Variants in AFF3 observed in about 807,000 individuals in gnomAD.
AFF3 encodes the protein ALF transcription elongation factor 3.
AFF3 carries 32 observed loss-of-function variants against 129.7 expected under a neutral mutation model. That is an observed-to-expected ratio of 0.25 (90% CI 0.19 to 0.33). The LOEUF (loss-of-function observed/expected upper bound fraction) is 0.33, where lower values mean the gene tolerates loss of function less well. AFF3 is among the 10% of genes least tolerant of loss of function. The probability of loss-of-function intolerance (pLI) is 1.00; values close to 1 mark genes in which losing one functional copy is unlikely to be tolerated. For synonymous variants in AFF3, 644 were observed against 635.4 expected, an observed-to-expected ratio of 1.01 and a Z score of -0.20; for missense variants, 1,373 against 1,592.0, an observed-to-expected ratio of 0.86 and a Z score of 2.34.
At chr2:100,026,411 T>C (rs925138841) in intron 4 of AFF3, among the ~76,000 whole-genome samples, 1 of 152,136 alleles carries the variant, frequency 6.6e-6, no homozygotes, top group African/African-American at 2.4e-5. Context: ...GATGTTGGCA[T>C]GGATGTGGTG....
chr2:99,769,889 G>A (rs1442880862), intron 8 of AFF3, among the ~76,000 whole-genome samples: 1 of 152,144 alleles, frequency 6.6e-6, no homozygotes, highest in Non-Finnish European at 1.5e-5. Context: ...GGGGCTGGGG[G>A]TGGGGTGACA....
chr2:99,903,682 T>C (rs1336940469), intron 7 of AFF3, among the ~76,000 whole-genome samples: 1 of 152,204 alleles, frequency 6.6e-6, no homozygotes, highest in Admixed American at 6.5e-5. Flanking sequence ...TAGTTTGAAA[T>C]ATATTTGTAT....
intron 4 of AFF3, among the ~76,000 whole-genome samples, chr2:100,027,593 A>G (rs1336134760): frequency 6.6e-6 from 1 of 152,028 alleles, no homozygotes; most frequent in African/African-American, 2.4e-5. Context: ...CCCTAACCAC[A>G]TCTCTCCTAC....
chr2:99,949,526 T>C (rs1675941956), intron 7 of AFF3, among the ~76,000 whole-genome samples: 1 of 152,006 alleles, frequency 6.6e-6, no homozygotes, highest in Admixed American at 6.6e-5. Flanking sequence ...TAATGTAGAA[T>C]CAGTGGGAAC....
At chr2:100,137,300 G>C (rs974939604) in intron 1 of AFF3, among the ~76,000 whole-genome samples, 26 of 152,200 alleles carry the variant, frequency 1.7e-4, no homozygotes, top group Non-Finnish European at 2.9e-4. Flanking sequence ...ACACATCTCA[G>C]AATGTCCCAG....
At chr2:99,635,389 C>T (rs1480818656) in intron 13 of AFF3, among the ~76,000 whole-genome samples, 1 of 152,094 alleles carries the variant, frequency 6.6e-6, no homozygotes, top group African/African-American at 2.4e-5. Flanking sequence ...CCTCTGCCTC[C>T]TGGGCTCAAG....
chr2:99,977,441 C>CT (rs1360628995), intron 7 of AFF3, among the ~76,000 whole-genome samples: 1 of 152,188 alleles, frequency 6.6e-6, no homozygotes, highest in Non-Finnish European at 1.5e-5. Flanking sequence ...CTCGGAGAGC[C>CT]TAAGTTTTTG....
chr2:99,593,048 G>C lies in AFF3; in HGVS notation c.2466+147C>G, dbSNP rs889843299. On this transcript the variant is annotated intron_variant, in intron 15 of 24. Coordinates refer to ENST00000672756, the MANE Select transcript of AFF3 (RefSeq NM_001386135.1). Reference sequence around the variant, plus strand: ...TCTGGATATAGAAAGTACCCTAGAAGTGTGTGTTAGGTAAGGACACACAAA... The same window carrying C: ...TCTGGATATAGAAAGTACCCTAGAACTGTGTGTTAGGTAAGGACACACAAA... The C allele has an allele frequency of 1.4e-5, 11 of 781,922 alleles. No individual in the cohort carries two copies. The African/African-American group carries it at 1.4e-4, about 10-fold the overall frequency. 48.4% of individuals were successfully genotyped at this position (781,922 alleles called of 1,614,324 possible).
At chr2:99,571,281 TAA>T (rs773047593) in intron 18 of AFF3, among the ~76,000 whole-genome samples, 10 of 152,178 alleles carry the variant, frequency 6.6e-5, no homozygotes, top group Non-Finnish European at 1.5e-4. Context: ...CTCTAGTATA[TAA>T]GTTAGGTCAT....
At chr2:99,704,155 T>A (rs1486407601) in intron 11 of AFF3, among the ~76,000 whole-genome samples, 1 of 152,192 alleles carries the variant, frequency 6.6e-6, no homozygotes, top group Non-Finnish European at 1.5e-5. Context: ...TTCTTTCATA[T>A]GATGAAAGAA....
At chr2:99,610,274 C>T (rs545748129) in intron 13 of AFF3, among the ~76,000 whole-genome samples, 19 of 152,332 alleles carry the variant, frequency 1.2e-4, no homozygotes, top group Middle Eastern at 3.4e-3. Flanking sequence ...GGAGCATTCA[C>T]GCCGACCTCT....
intron 7 of AFF3, among the ~76,000 whole-genome samples, chr2:99,917,217 A>G (rs1034754580): frequency 1.4e-4 from 21 of 152,210 alleles, no homozygotes; most frequent in Non-Finnish European, 2.4e-4. Flanking sequence ...TTTGGCCTGA[A>G]GGGCCAGAGC....
chr2:99,719,881 C>T (rs1678730630), intron 11 of AFF3, among the ~76,000 whole-genome samples: 1 of 151,960 alleles, frequency 6.6e-6, no homozygotes, highest in Non-Finnish European at 1.5e-5. Context: ...ACTAAAAATA[C>T]AAAAAATTAG....
intron 12 of AFF3, among the ~76,000 whole-genome samples, chr2:99,667,845 T>C (rs1446806775): frequency 1.3e-5 from 2 of 152,012 alleles, no homozygotes; most frequent in Non-Finnish European, 2.9e-5. Flanking sequence ...ATAATCTGAG[T>C]AGCTCTATAA....
intron 7 of AFF3, among the ~76,000 whole-genome samples, chr2:99,939,277 T>C (rs1674808440): frequency 6.6e-6 from 1 of 152,230 alleles, no homozygotes; most frequent in South Asian, 2.1e-4. Flanking sequence ...CCAAGAGAAG[T>C]TACTTAATGC....
At chr2:99,609,979 G>A (rs550800783) in intron 13 of AFF3, among the ~76,000 whole-genome samples, 1 of 152,266 alleles carries the variant, frequency 6.6e-6, no homozygotes, top group East Asian at 1.9e-4. Flanking sequence ...ATGATGACTT[G>A]TTCCTGCCCT....
At chr2:100,105,459 G>A in intron 3 of AFF3, 45 bp downstream of exon 3, 1 of 1,323,222 alleles carries the variant, frequency 7.6e-7, no homozygotes, top group Non-Finnish European at 1.0e-6. Context: ...CCACCCTCTA[G>A]CTGGCCAGCC....
In AFF3 at chr2:99,651,459, T is replaced by C. The variant is rs578098690; in HGVS notation, c.1144-1793A>G. On this transcript the variant is annotated intron_variant, in intron 12 of 24. Transcript: ENST00000672756. Reference sequence around the variant, plus strand: ...GTCATGGTTACTGTTTTTTTTTTTCTGAGACAGAGTATCTCTTTGTCACCC... The same window carrying C: ...GTCATGGTTACTGTTTTTTTTTTTCCGAGACAGAGTATCTCTTTGTCACCC... Among the ~76,000 whole-genome samples, 14 of 151,898 alleles carry C rather than the reference T, an allele frequency of 9.2e-5. No individual in the cohort carries two copies. The East Asian group carries it at 2.7e-3, about 29-fold the overall frequency.
chr2:100,104,097 T>G (rs540648327), intron 4 of AFF3, among the ~76,000 whole-genome samples: 2,568 of 151,796 alleles, frequency 0.017, 40 homozygotes, highest in African/African-American at 0.044. Flanking sequence ...AGTGACACAG[T>G]CTTCAAATCG....
Sources: allele counts gnomAD v4.1 joint callset (sites outside exome capture counted in the v4.1 genomes callset), GRCh38; gene constraint gnomAD v4.1.1; transcripts MANE v1.5; gene names NCBI Gene and HGNC (gene_info 2026-07-23, HGNC 2026-07-21).